FAM81A: variants seen among roughly 807,000 people sequenced by gnomAD.
FAM81A encodes the protein family with sequence similarity 81 member A, also known as protein FAM81A.
FAM81A carries 19 observed loss-of-function variants against 46.7 expected under a neutral mutation model. The ratio of observed to expected loss-of-function variants is 0.41; its 90% confidence interval spans 0.28 to 0.60. FAM81A has a LOEUF of 0.60. Among genes scored for constraint, FAM81A ranks in the 20% least tolerant of loss-of-function variants. The pLI, the probability that FAM81A is intolerant of heterozygous loss-of-function variation, is 0.34. For synonymous variants in FAM81A, 183 were observed against 152.9 expected (o/e 1.20, Z -1.45); for missense variants, 377 against 453.5 (o/e 0.83, Z 1.53).
intron 2 of FAM81A, among the ~76,000 whole-genome samples, chr15:59,410,350 A>T (rs531227310): frequency 6.6e-6 from 1 of 152,328 alleles, no homozygotes; most frequent in Admixed American, 6.5e-5. Context: ...GTTTCAGAAA[A>T]CTGAGGCTTA....
At chr15:59,479,607 C>T (rs1448077567) in intron 3 of FAM81A, among the ~76,000 whole-genome samples, 4 of 149,754 alleles carry the variant, frequency 2.7e-5, no homozygotes, top group African/African-American at 9.9e-5. Context: ...CCAGGCAAGC[C>T]AAGGTGGTGG....
At chr15:59,473,566 C>G (rs1165942998) in intron 3 of FAM81A, among the ~76,000 whole-genome samples, 2 of 152,158 alleles carry the variant, frequency 1.3e-5, no homozygotes, top group African/African-American at 4.8e-5. Context: ...TGTTACTTCC[C>G]CATTCTTAGA....
At chr15:59,473,725 C>T (rs1293312185) in intron 3 of FAM81A, among the ~76,000 whole-genome samples, 1 of 152,144 alleles carries the variant, frequency 6.6e-6, no homozygotes, top group African/African-American at 2.4e-5. Flanking sequence ...AAATCCTGGT[C>T]TTAATTTTTT....
chr15:59,422,494 TG>T (rs1269445441), intron 2 of FAM81A, among the ~76,000 whole-genome samples: 1 of 152,120 alleles, frequency 6.6e-6, no homozygotes, highest in Non-Finnish European at 1.5e-5. Flanking sequence ...ATTTATTTTT[TG>T]AGGTGGAGTC....
intron 8 of FAM81A, among the ~76,000 whole-genome samples, chr15:59,519,404 G>A (rs2082302984): frequency 6.6e-6 from 1 of 151,800 alleles, no homozygotes; most frequent in South Asian, 2.1e-4. Flanking sequence ...GGCCAGGCTG[G>A]TCTCAAACTA....
At chr15:59,504,104 A>G (rs1354421644) in intron 4 of FAM81A, among the ~76,000 whole-genome samples, 1 of 152,220 alleles carries the variant, frequency 6.6e-6, no homozygotes, top group Non-Finnish European at 1.5e-5. Flanking sequence ...TTTGGACTGG[A>G]AAATAATGTC....
chr15:59,502,943 G>A (rs1199112690), intron 4 of FAM81A, among the ~76,000 whole-genome samples: 1 of 152,020 alleles, frequency 6.6e-6, no homozygotes, highest in East Asian at 1.9e-4. Flanking sequence ...AATCAGAAAT[G>A]CAATTAAATA....
chr15:59,439,878 G>T (rs1455279964), intron 1 of FAM81A: 1 of 152,260 alleles, frequency 6.6e-6, no homozygotes, highest in East Asian at 1.9e-4. Context: ...ACTAGGCTGT[G>T]TCACTCCGAC....
At chr15:59,500,356 G>A (rs1159703179) in intron 4 of FAM81A, among the ~76,000 whole-genome samples, 1 of 152,046 alleles carries the variant, frequency 6.6e-6, no homozygotes, top group Non-Finnish European at 1.5e-5. Flanking sequence ...AGAGTGAAGT[G>A]GCAAGATCAT....
intron 1 of FAM81A, chr15:59,445,709 T>C (rs2141597701): frequency 6.6e-6 from 1 of 152,336 alleles, no homozygotes; most frequent in African/African-American, 2.4e-5. Flanking sequence ...ACCAGCATTC[T>C]GTCTGTATGA....
intron 2 of FAM81A, among the ~76,000 whole-genome samples, chr15:59,403,546 T>G (rs1596457489): frequency 6.6e-6 from 1 of 152,182 alleles, no homozygotes; most frequent in Admixed American, 6.5e-5. Flanking sequence ...TTATGTTGCT[T>G]AAGACACCCT....
At chr15:59,441,800 A>T (rs2081300498) in intron 1 of FAM81A, among the ~76,000 whole-genome samples, 2 of 152,224 alleles carry the variant, frequency 1.3e-5, no homozygotes, top group South Asian at 4.1e-4. Flanking sequence ...CCTGGCATGT[A>T]GACACGGGGA....
At chr15:59,469,825 A>C (rs1482508979) in intron 3 of FAM81A, among the ~76,000 whole-genome samples, 2 of 152,136 alleles carry the variant, frequency 1.3e-5, no homozygotes, top group Non-Finnish European at 2.9e-5. Flanking sequence ...GGTCTTTACA[A>C]TTTGGCATGT....
chr15:59,495,808 A>T (rs1299272824), intron 4 of FAM81A, among the ~76,000 whole-genome samples: 3 of 152,236 alleles, frequency 2.0e-5, no homozygotes, highest in African/African-American at 7.2e-5. Flanking sequence ...CGTCATTGGC[A>T]TATCTTCTTT....
At chr15:59,502,485 C>CTG (rs71119478) in intron 4 of FAM81A, among the ~76,000 whole-genome samples, 54,640 of 137,934 alleles carry the variant, frequency 0.4, 11,478 homozygotes, top group Non-Finnish European at 0.51. Flanking sequence ...GTTGACTTCA[C>CTG]TGTGTGTGTG....
chr15:59,427,224 C>T lies in FAM81A; in HGVS notation c.-78+24866C>T, dbSNP rs139062545. Reference sequence around the variant, plus strand: ...CTCCTGGGTTCAAGTGATTCTCCTGCTTCAGCCTCCTGAGCAGCTGGGATC... The same window carrying T: ...CTCCTGGGTTCAAGTGATTCTCCTGTTTCAGCCTCCTGAGCAGCTGGGATC... On this transcript the variant is annotated intron_variant, in intron 2 of 4. Transcript: ENST00000558348. Among the ~76,000 whole-genome samples the T allele has an allele frequency of 5.0e-3, 762 of 152,286 alleles. 5 individuals carry two copies. The highest frequency in any genetic ancestry group is 0.018 in the African/African-American group (746 of 41,542).
At chr15:59,485,567 T>A (rs2141729320) in intron 3 of FAM81A, among the ~76,000 whole-genome samples, 1 of 152,334 alleles carries the variant, frequency 6.6e-6, no homozygotes, top group African/African-American at 2.4e-5. Flanking sequence ...GGGCTTGGGG[T>A]ACCCCCTAAT....
At chr15:59,408,611 G>A (rs2081106916) in intron 2 of FAM81A, among the ~76,000 whole-genome samples, 1 of 152,152 alleles carries the variant, frequency 6.6e-6, no homozygotes, top group Admixed American at 6.5e-5. Flanking sequence ...GGTGGATTAC[G>A]AGGTCAGGAG....
At chr15:59,402,093 G>T in intron 1 of FAM81A, 1 of 454,818 alleles carries the variant, frequency 2.2e-6, no homozygotes, top group South Asian at 2.7e-5. Flanking sequence ...AGCTGACGCC[G>T]TGCAGGCCTG....
Sources: gnomAD v4.1 joint callset for allele counts (sites outside exome capture counted in the v4.1 genomes callset) on GRCh38, gnomAD v4.1.1 for gene constraint, MANE v1.5 for transcripts, NCBI Gene and HGNC (gene_info 2026-07-23, HGNC 2026-07-21) for gene names.